Variants in GABBR2 observed in about 807,000 individuals in gnomAD.
GABBR2 encodes the protein gamma-aminobutyric acid type B receptor subunit 2.
GABBR2 carries 23 observed loss-of-function variants against 105.6 expected under a neutral mutation model. The ratio of observed to expected loss-of-function variants is 0.22; its 90% CI spans 0.16 to 0.31. The LOEUF is 0.31. GABBR2 is among the 10% of genes least tolerant of loss of function. The pLI is 1.00. For missense variants in GABBR2, 734 were observed against 1,245.5 expected (o/e 0.59, Z 6.18); for synonymous variants, 478 against 499.7 (o/e 0.96, Z 0.58).
intron 13 of GABBR2, among the ~76,000 whole-genome samples, chr9:98,349,679 A>G (rs1268033569): frequency 6.6e-6 from 1 of 151,958 alleles, no homozygotes; most frequent in Non-Finnish European, 1.5e-5. Context: ...AGATTTTTAA[A>G]TCTATGTTCA....
intron 1 of GABBR2, among the ~76,000 whole-genome samples, chr9:98,661,548 A>G (rs549061744): frequency 1.3e-5 from 2 of 151,890 alleles, no homozygotes; most frequent in Non-Finnish European, 2.9e-5. Flanking sequence ...TTACAGGCGC[A>G]TACCACCATG....
chr9:98,606,148 C>T (rs1406580422), intron 1 of GABBR2, among the ~76,000 whole-genome samples: 4 of 152,162 alleles, frequency 2.6e-5, no homozygotes, highest in African/African-American at 9.7e-5. Flanking sequence ...GTATATGTGC[C>T]ACATTTTCTT....
intron 1 of GABBR2, among the ~76,000 whole-genome samples, chr9:98,690,399 T>C (rs545031557): frequency 1.3e-5 from 2 of 152,268 alleles, no homozygotes; most frequent in South Asian, 4.2e-4. Flanking sequence ...TAAAACTGAT[T>C]TATTTTTGGT....
chr9:98,467,173 A>G (rs772311716), intron 6 of GABBR2, among the ~76,000 whole-genome samples: 13 of 152,232 alleles, frequency 8.5e-5, no homozygotes, highest in Non-Finnish European at 1.6e-4. Context: ...TGAGGTGGCA[A>G]CATACCCGGT....
intron 6 of GABBR2, among the ~76,000 whole-genome samples, chr9:98,455,259 C>T (rs899678037): frequency 2.6e-5 from 4 of 152,158 alleles, no homozygotes; most frequent in African/African-American, 9.7e-5. Flanking sequence ...CTTTTTACTC[C>T]AGACCTTGGA....
intron 6 of GABBR2, among the ~76,000 whole-genome samples, chr9:98,468,928 C>T (rs1826611944): frequency 6.6e-6 from 1 of 152,120 alleles, no homozygotes; most frequent in African/African-American, 2.4e-5. Flanking sequence ...GGAAGGGGCG[C>T]TGAGTTGGGA....
intron 7 of GABBR2, among the ~76,000 whole-genome samples, chr9:98,410,481 G>A (rs138698655): frequency 5.3e-5 from 8 of 150,114 alleles, no homozygotes; most frequent in Non-Finnish European, 8.9e-5. Flanking sequence ...TAGAAAGAAC[G>A]CATAAGCATG....
Position 98,708,793 on chromosome 9 carries a change from C to A in GABBR2, c.-56G>T, listed in dbSNP as rs1419164214. On this transcript the variant is annotated 5_prime_UTR_variant, in exon 1 of 19. Coordinates refer to ENST00000259455, the MANE Select transcript of GABBR2 (RefSeq NM_005458.8). ...CTCGGCCCGCATGGCCTGGCCCGGC[C>A]CGCCGCCCCGCGCCAAGGTCTTCCC... 6 of 962,934 alleles carry A rather than the reference C, an allele frequency of 6.2e-6. No individual in the cohort carries two copies. The highest frequency in any genetic ancestry group is 7.4e-6 in the Non-Finnish European group (6 of 811,856). 59.6% of individuals were successfully genotyped at this position (962,934 alleles called of 1,614,324 possible).
At chr9:98,671,682 T>C (rs554390630) in intron 1 of GABBR2, among the ~76,000 whole-genome samples, 1 of 152,306 alleles carries the variant, frequency 6.6e-6, no homozygotes, top group South Asian at 2.1e-4. Flanking sequence ...ATTTTAGCCA[T>C]CCTGGTGGGT....
intron 1 of GABBR2, 36 bp downstream of exon 1, chr9:98,708,381 C>T (rs777611285): frequency 1.5e-6 from 2 of 1,340,434 alleles, no homozygotes; most frequent in Admixed American, 2.8e-5. Flanking sequence ...CCAATGCCCC[C>T]CGAAGCCCCG....
chr9:98,300,472 G>A (rs78312339), intron 16 of GABBR2, among the ~76,000 whole-genome samples: 2,305 of 152,250 alleles, frequency 0.015, 60 homozygotes, highest in African/African-American at 0.051. Flanking sequence ...AAAATCAGGT[G>A]CAAGTCCTGG....
At chr9:98,340,227 T>C (rs74754646) in intron 13 of GABBR2, among the ~76,000 whole-genome samples, 6,157 of 151,452 alleles carry the variant, frequency 0.041, 163 homozygotes, top group Middle Eastern at 0.044. Context: ...TAGCAGACCC[T>C]GACTAATGCA....
At chr9:98,610,746 C>T (rs574795703) in intron 1 of GABBR2, among the ~76,000 whole-genome samples, 1 of 152,048 alleles carries the variant, frequency 6.6e-6, no homozygotes, top group East Asian at 1.9e-4. Flanking sequence ...CCTGCCAAGA[C>T]CTTGATTTCA....
At chr9:98,366,576 C>T (rs3780429) in intron 12 of GABBR2, among the ~76,000 whole-genome samples, 51,059 of 152,016 alleles carry the variant, frequency 0.34, 11,203 homozygotes, top group African/African-American at 0.63. Context: ...GGCATTTCTT[C>T]ATTTTTTCAA....
At chr9:98,693,130 A>T (rs546370258) in intron 1 of GABBR2, among the ~76,000 whole-genome samples, 2 of 152,192 alleles carry the variant, frequency 1.3e-5, no homozygotes, top group East Asian at 3.9e-4. Context: ...CTTAGCTGCC[A>T]CCCTCAGCTC....
intron 13 of GABBR2, among the ~76,000 whole-genome samples, chr9:98,312,581 C>T (rs920356369): frequency 6.6e-6 from 1 of 152,110 alleles, no homozygotes; most frequent in Non-Finnish European, 1.5e-5. Context: ...TATCCTGTTC[C>T]CCCACAAATG....
rs548388438 is a variant in GABBR2 at position 98,664,705 on chromosome 9, G to A, written c.321+43712C>T. ...TCAGCTGAGCAAGAGAGGCAAGTATGCTGGACACTGAGTCAGATACATGTA... is the reference window on the plus strand; with the variant it reads ...TCAGCTGAGCAAGAGAGGCAAGTATACTGGACACTGAGTCAGATACATGTA... On this transcript the variant is annotated intron_variant, in intron 1 of 18. Coordinates refer to ENST00000259455, the MANE Select transcript of GABBR2 (RefSeq NM_005458.8). 3.9e-5 allele frequency among the ~76,000 whole-genome samples: 6 copies of A among 152,280 alleles called. No individual in the cohort carries two copies. The East Asian group carries it at 9.6e-4, about 24-fold the overall frequency.
chr9:98,306,577 C>T lies in GABBR2; in HGVS notation c.2005-232G>A. ...CTGGGGATGTGACAGCTGTCCAGTTCTCCTGCACCCCTATGACTGGTTCAT... is the reference window on the plus strand; with the variant it reads ...CTGGGGATGTGACAGCTGTCCAGTTTTCCTGCACCCCTATGACTGGTTCAT... On this transcript the variant is annotated intron_variant, in intron 14 of 18. Transcript: ENST00000259455. The surrounding 1 kb of genome is among the most constrained non-coding windows in gnomAD (Gnocchi z 5.4). 1 of 567,370 alleles carries T rather than the reference C, an allele frequency of 1.8e-6. No homozygotes were observed. Among genetic ancestry groups the T allele is most frequent in the Non-Finnish European group, 3.2e-6 (1 of 315,876 alleles). The allele number at this position is 567,370 out of a possible 1,614,324, so 35.1% of individuals were successfully genotyped here. A position where few individuals can be genotyped will look rare whatever the true frequency, so the allele number is the denominator to read the frequency against.
chr9:98,642,021 G>A (rs188640997), intron 1 of GABBR2, among the ~76,000 whole-genome samples: 31 of 152,280 alleles, frequency 2.0e-4, no homozygotes, highest in African/African-American at 4.3e-4. Context: ...CCTCCAGCAC[G>A]GCTACTTCCC....
Sources: allele counts gnomAD v4.1 joint callset (sites outside exome capture counted in the v4.1 genomes callset), GRCh38; gene constraint gnomAD v4.1.1; non-coding constraint Gnocchi (gnomAD v3.1); transcripts MANE v1.5; gene names NCBI Gene and HGNC (gene_info 2026-07-23, HGNC 2026-07-21).